CHID1: variants seen among roughly 807,000 people sequenced by gnomAD.
The protein encoded by CHID1 is chitinase domain-containing protein 1.
CHID1 carries 44 observed loss-of-function variants against 55.4 expected under a neutral mutation model. That is an observed-to-expected ratio of 0.79 (90% CI 0.62 to 1.02). The LOEUF (loss-of-function observed/expected upper bound fraction) is 1.02, where lower values mean the gene tolerates loss of function less well. Ranked by LOEUF, CHID1 falls within the 50% of genes least tolerant of loss-of-function variation. The pLI is 0.00. For missense variants in CHID1, 491 were observed against 515.3 expected (o/e 0.95, Z 0.46); for synonymous variants, 216 against 212.9 (o/e 1.01, Z -0.13).
intron 8 of CHID1, among the ~76,000 whole-genome samples, chr11:888,860 C>A (rs1183588578): frequency 6.6e-6 from 1 of 151,974 alleles, no homozygotes; most frequent in African/African-American, 2.4e-5. Context: ...TCGGCCTCGA[C>A]TGGACTCCGG....
chr11:886,067 T>C (rs1221234419), intron 8 of CHID1, among the ~76,000 whole-genome samples: 1 of 145,958 alleles, frequency 6.9e-6, no homozygotes, highest in Non-Finnish European at 1.5e-5. Flanking sequence ...GAGAATGGCG[T>C]GTGAAACCGG....
chr11:871,213 G>A (rs1193466867), intron 10 of CHID1, among the ~76,000 whole-genome samples: 2 of 152,010 alleles, frequency 1.3e-5, no homozygotes, highest in South Asian at 2.1e-4. Flanking sequence ...AGCTGGTCTC[G>A]AACTCCTGAC....
At chr11:879,012 A>G (rs1054064783) in intron 10 of CHID1, among the ~76,000 whole-genome samples, 1 of 151,926 alleles carries the variant, frequency 6.6e-6, no homozygotes, top group African/African-American at 2.4e-5. Context: ...ACGCCCGGCT[A>G]ATTTTTTGTA....
chr11:876,437 A>C (rs1849519781), intron 10 of CHID1, among the ~76,000 whole-genome samples: 1 of 152,180 alleles, frequency 6.6e-6, no homozygotes. Flanking sequence ...AGAATGTTCC[A>C]AGGAGCTGCG....
chr11:910,833 C>T (rs1202531430), upstream of CHID1: 3 of 1,095,876 alleles, frequency 2.7e-6, no homozygotes, highest in Non-Finnish European at 3.3e-6. Context: ...CTCCAGCGCG[C>T]CGGAAGTCCC....
At chr11:885,953 C>A (rs958346662) in intron 8 of CHID1, among the ~76,000 whole-genome samples, 1 of 151,590 alleles carries the variant, frequency 6.6e-6, no homozygotes, top group South Asian at 2.1e-4. Flanking sequence ...GAGATCGAGA[C>A]CATCCTAACA....
chr11:909,155 G>A (rs961935858), intron 1 of CHID1, among the ~76,000 whole-genome samples: 4 of 152,174 alleles, frequency 2.6e-5, no homozygotes, highest in African/African-American at 9.6e-5. Flanking sequence ...CCCTTGTCTG[G>A]GCTTTGGTAC....
intron 7 of CHID1, among the ~76,000 whole-genome samples, chr11:897,094 T>C (rs1251394289): frequency 1.6e-4 from 15 of 95,436 alleles, no homozygotes; most frequent in African/African-American, 2.8e-4. Flanking sequence ...TCTCAGCACC[T>C]GCAGCCTCCA....
intron 8 of CHID1, among the ~76,000 whole-genome samples, chr11:892,137 A>G (rs1273623428): frequency 6.6e-6 from 1 of 152,114 alleles, no homozygotes; most frequent in African/African-American, 2.4e-5. Context: ...AAAGAAAAGA[A>G]AAAGACGCAG....
rs550648285 is a variant in CHID1 at position 910,627 on chromosome 11, T to C, written c.-44+148A>G. On this transcript the variant is annotated intron_variant, in intron 1 of 12. Transcript: ENST00000323578. ...CTCACACGCCCCCTCACACACTTGCTCTCTCTCACGCACCCGCCCGGCGTC... is the reference window on the plus strand; with the variant it reads ...CTCACACGCCCCCTCACACACTTGCCCTCTCTCACGCACCCGCCCGGCGTC... 44 of 1,262,256 alleles carry C rather than the reference T, an allele frequency of 3.5e-5. No individual in the cohort carries two copies. The African/African-American group carries it at 6.6e-4, about 19-fold the overall frequency. The allele number at this position is 1,262,256 out of a possible 1,614,324, so 78.2% of individuals were successfully genotyped here.
In CHID1 at chr11:904,798, G is replaced by C; in HGVS notation, c.19C>G (p.Leu7Val). MRTLFNLLWLALACSPV... is the reference protein window; with the variant it reads MRTLFNVLWLALACSPV... ...CTGCAGGCCAGGGCAAGCCAGAGGAGGTTGAAGAGTGTCCGCATGGTAGGT... is the reference window on the plus strand; with the variant it reads ...CTGCAGGCCAGGGCAAGCCAGAGGACGTTGAAGAGTGTCCGCATGGTAGGT... Residue 7 changes from leucine (L) to valine (V), a missense_variant, in exon 2 of 13, where the codon CTC (leucine) becomes GTC (valine). Physicochemically the swap from Leu to Val is conservative, Grantham distance 32 (BLOSUM62 1). Transcript: ENST00000323578. The C allele has an allele frequency of 6.2e-7, 1 of 1,613,996 alleles. No individual in the cohort carries two copies. The highest frequency in any genetic ancestry group is 8.5e-7 in the Non-Finnish European group (1 of 1,180,026).
chr11:869,918 G>A lies in CHID1; in HGVS notation c.1122C>T (p.Gly374=). The A allele has an allele frequency of 3.1e-6, 5 of 1,612,796 alleles. No homozygotes were observed. The highest frequency in any genetic ancestry group is 2.2e-5 in the East Asian group (1 of 44,886). Residue 374 remains glycine (G), a synonymous_variant, in exon 13 of 13, where the codon GGC becomes GGT. Transcript: ENST00000323578. Reference sequence around the variant, plus strand: ...CCAGCTCCCAGATAGAGACCCCAACGCCCAGCTCCCGGGCCAGCTCCAGCC... The same window carrying A: ...CCAGCTCCCAGATAGAGACCCCAACACCCAGCTCCCGGGCCAGCTCCAGCC... ...QVRLELAREL[G]VGVSIWELGQ...
upstream of CHID1, chr11:914,839 C>T (rs781419609): frequency 9.1e-6 from 3 of 330,880 alleles, no homozygotes; most frequent in African/African-American, 2.2e-5. Flanking sequence ...GGGGTCGCGG[C>T]GGCTCTGGGC....
chr11:895,823 T>C (rs968969139), intron 7 of CHID1, among the ~76,000 whole-genome samples: 1 of 152,048 alleles, frequency 6.6e-6, no homozygotes, highest in Non-Finnish European at 1.5e-5. Context: ...CAAAGGAATC[T>C]GCCAAGCTGC....
At chr11:901,998 TCACA>T in intron 4 of CHID1, 196 bp downstream of exon 4, 1 of 622,930 alleles carries the variant, frequency 1.6e-6, no homozygotes, top group Non-Finnish European at 2.8e-6. Flanking sequence ...TTCAACACAC[TCACA>T]ATCTCTTCTC....
chr11:893,808 C>T (rs1046349822), intron 7 of CHID1, among the ~76,000 whole-genome samples: 2 of 151,810 alleles, frequency 1.3e-5, no homozygotes, highest in African/African-American at 4.8e-5. Context: ...GTGTACATCA[C>T]ACTTTAGACA....
At chr11:893,383 A>C in intron 8 of CHID1, 44 bp downstream of exon 8, 1 of 1,502,152 alleles carries the variant, frequency 6.7e-7, no homozygotes, top group South Asian at 1.2e-5. Context: ...CCCCGACCCC[A>C]GAGCCCTCCA....
chr11:894,487 C>G (rs1851112102), intron 7 of CHID1, among the ~76,000 whole-genome samples: 1 of 152,236 alleles, frequency 6.6e-6, no homozygotes, highest in South Asian at 2.1e-4. Context: ...TCTGCAGAAA[C>G]TGGCCTGGAG....
At chr11:912,837 C>CAAAAAA (rs59345654), upstream of CHID1, among the ~76,000 whole-genome samples, 8 of 135,918 alleles carry the variant, frequency 5.9e-5, no homozygotes, top group African/African-American at 2.2e-4. Flanking sequence ...GACTCTGCCT[C>CAAAAAA]AAAAAAAAAA....
Sources: gnomAD v4.1 joint callset for allele counts (sites outside exome capture counted in the v4.1 genomes callset) on GRCh38, gnomAD v4.1.1 for gene constraint, MANE v1.5 for transcripts, NCBI Gene and HGNC (gene_info 2026-07-23, HGNC 2026-07-21) for gene names.